Variants in PTPRD observed in about 807,000 individuals in gnomAD.
The protein encoded by PTPRD is protein tyrosine phosphatase receptor type D.
Under a neutral mutation model 214.5 loss-of-function variants are expected in PTPRD, and 34 were observed. The ratio of observed to expected loss-of-function variants is 0.16; its 90% CI spans 0.12 to 0.21. The LOEUF (loss-of-function observed/expected upper bound fraction) is 0.21. Ranked by LOEUF, PTPRD falls within the 10% of genes least tolerant of loss-of-function variation. The pLI, the probability that PTPRD is intolerant of heterozygous loss-of-function variation, is 1.00. For synonymous variants in PTPRD, 1,128 were observed against 845.7 expected, an observed-to-expected ratio of 1.33 and a Z score of -5.79; for missense variants, 2,545 against 2,398.7, an observed-to-expected ratio of 1.06 and a Z score of -1.27.
In PTPRD at chr9:9,220,319, T is replaced by TTTTTAAA. The variant is rs1555012243; in HGVS notation, c.-202-36957_-202-36956insTTTAAAA. ...AATAAACTTGCTTTTGCTTTTTTTT[T>TTTTTAAA]AAAAGCACTATCTAGAAGGCTTCAT... On this transcript the variant is annotated intron_variant, in intron 9 of 45. Coordinates refer to ENST00000381196, the MANE Select transcript of PTPRD (RefSeq NM_002839.4). 4.7e-3 allele frequency among the ~76,000 whole-genome samples: 702 copies of TTTTTAAA among 148,612 alleles called. 5 individuals carry two copies. Among genetic ancestry groups the TTTTTAAA allele is most frequent in the Non-Finnish European group, 7.5e-3 (507 of 67,288 alleles).
chr9:9,446,899 G>A (rs954806806), intron 8 of PTPRD, among the ~76,000 whole-genome samples: 13 of 151,938 alleles, frequency 8.6e-5, no homozygotes, highest in Non-Finnish European at 1.9e-4. Flanking sequence ...ATGTGGCCAA[G>A]AAGCATATGA....
chr9:9,482,125 G>A lies in PTPRD; in HGVS notation c.-236-84643C>T, dbSNP rs574529010. Among the ~76,000 whole-genome samples, 71 of 152,160 alleles carry A rather than the reference G, an allele frequency of 4.7e-4. 2 individuals are homozygous for A. The South Asian group carries it at 0.014, about 31-fold the overall frequency. ...GGTAAGGAAGTGATCAAGAGGTACA[G>A]ACAGGTGGGCGAGGTTGGGAGAGTA... On this transcript the variant is annotated intron_variant, in intron 8 of 45. Transcript: ENST00000381196.
chr9:8,381,477 A>C (rs1270861976), intron 37 of PTPRD, among the ~76,000 whole-genome samples: 1 of 151,964 alleles, frequency 6.6e-6, no homozygotes, highest in Non-Finnish European at 1.5e-5. Flanking sequence ...CTCTGCACTC[A>C]ATCAATATTT....
At chr9:9,577,890 AC>A (rs1375440293) in intron 7 of PTPRD, among the ~76,000 whole-genome samples, 1 of 151,760 alleles carries the variant, frequency 6.6e-6, no homozygotes, top group African/African-American at 2.4e-5. Flanking sequence ...TTCTAAACAT[AC>A]AAAAATTAGC....
chr9:8,373,160 G>A (rs2082054419), intron 39 of PTPRD, among the ~76,000 whole-genome samples: 1 of 151,892 alleles, frequency 6.6e-6, no homozygotes, highest in Non-Finnish European at 1.5e-5. Context: ...TAGCATTTCT[G>A]GGATGCTACA....
intron 14 of PTPRD, among the ~76,000 whole-genome samples, chr9:8,593,348 T>C (rs1484136572): frequency 6.6e-6 from 1 of 152,202 alleles, no homozygotes; most frequent in African/African-American, 2.4e-5. Flanking sequence ...TCAGTTTTAA[T>C]GCCTACAGAA....
chr9:10,285,558 C>A (rs1161905975), intron 3 of PTPRD, among the ~76,000 whole-genome samples: 1 of 151,202 alleles, frequency 6.6e-6, no homozygotes, highest in Non-Finnish European at 1.5e-5. Context: ...CCATCACTAA[C>A]CAGTTACATG....
intron 12 of PTPRD, among the ~76,000 whole-genome samples, chr9:8,674,714 T>TC (rs1160178779): frequency 6.6e-6 from 1 of 152,146 alleles, no homozygotes; most frequent in Non-Finnish European, 1.5e-5. Context: ...AATGTTTGGC[T>TC]CCCCTGGGCT....
At chr9:9,656,343 A>G (rs1449247720) in intron 7 of PTPRD, among the ~76,000 whole-genome samples, 1 of 152,234 alleles carries the variant, frequency 6.6e-6, no homozygotes, top group African/African-American at 2.4e-5. Flanking sequence ...GACAATTGTC[A>G]AAACTTGGAA....
intron 8 of PTPRD, among the ~76,000 whole-genome samples, chr9:9,444,650 C>G (rs1338817922): frequency 6.6e-6 from 1 of 152,000 alleles, no homozygotes; most frequent in Non-Finnish European, 1.5e-5. Flanking sequence ...ACTTTCTGAC[C>G]CCAAGTTAGA....
rs2095507938 is a variant in PTPRD, at chr9:9,980,609, A to AAG, written c.-471-42000_-471-41999insCT. ...GGGTAACAGAGTGAGACACCTTGTC[A>AAG]AAAAAAAACAAAAAAAAAAAAAAAA... is the stretch of plus-strand genomic sequence containing the variant. On this transcript the variant is annotated intron_variant, in intron 4 of 45. Transcript: ENST00000381196. Among the ~76,000 whole-genome samples, 2 of 31,786 alleles carry AAG rather than the reference A, an allele frequency of 6.3e-5. 1 individual carries two copies. Among genetic ancestry groups the AAG allele is most frequent in the Non-Finnish European group, 1.6e-4 (2 of 12,540 alleles). The allele number at this position is 31,786 out of a possible 152,430, so 20.9% of individuals were successfully genotyped here. A position where few individuals can be genotyped will look rare whatever the true frequency, so the allele number is the denominator to read the frequency against.
chr9:10,168,107 C>T (rs1564276461), intron 3 of PTPRD, among the ~76,000 whole-genome samples: 5 of 152,124 alleles, frequency 3.3e-5, no homozygotes, highest in Admixed American at 3.3e-4. Context: ...AGTTTGGAAA[C>T]ATATTTGCTT....
chr9:9,098,591 A>T (rs180795786), intron 10 of PTPRD, among the ~76,000 whole-genome samples: 23 of 152,268 alleles, frequency 1.5e-4, no homozygotes, highest in African/African-American at 4.8e-4. Flanking sequence ...TTATTATTAC[A>T]ATTTGAGTGT....
At chr9:8,533,710 G>C (rs2076260926) in intron 14 of PTPRD, among the ~76,000 whole-genome samples, 1 of 151,926 alleles carries the variant, frequency 6.6e-6, no homozygotes, top group Admixed American at 6.6e-5. Flanking sequence ...ATGTAAGTGT[G>C]AACTCTTACA....
intron 5 of PTPRD, among the ~76,000 whole-genome samples, chr9:9,811,871 T>C (rs1409844744): frequency 6.6e-6 from 1 of 152,170 alleles, no homozygotes; most frequent in East Asian, 1.9e-4. Context: ...AGAAGTCCTA[T>C]TGTGGATAAA....
intron 9 of PTPRD, among the ~76,000 whole-genome samples, chr9:9,335,193 C>T (rs1054635320): frequency 7.9e-5 from 12 of 151,916 alleles, no homozygotes; most frequent in Non-Finnish European, 1.8e-4. Context: ...TTTGAAAAAG[C>T]CTTAAAAAGT....
intron 11 of PTPRD, among the ~76,000 whole-genome samples, chr9:8,771,649 A>G (rs1180733602): frequency 2.0e-5 from 3 of 152,184 alleles, no homozygotes; most frequent in African/African-American, 7.2e-5. Flanking sequence ...TATAAAATTT[A>G]CTCAAAGTTC....
chr9:10,552,122 G>A (rs1046602070), intron 2 of PTPRD, among the ~76,000 whole-genome samples: 1 of 152,058 alleles, frequency 6.6e-6, no homozygotes, highest in African/African-American at 2.4e-5. Context: ...GTACAATTTT[G>A]CAGTCATTTC....
At chr9:8,770,640 T>G (rs887639080) in intron 11 of PTPRD, among the ~76,000 whole-genome samples, 1 of 152,226 alleles carries the variant, frequency 6.6e-6, no homozygotes, top group Admixed American at 6.5e-5. Flanking sequence ...ACAGATCTAC[T>G]TGATACTTGC....
Sources: allele counts gnomAD v4.1 joint callset (sites outside exome capture counted in the v4.1 genomes callset), GRCh38; gene constraint gnomAD v4.1.1; transcripts MANE v1.5; gene names NCBI Gene and HGNC (gene_info 2026-07-23, HGNC 2026-07-21).